The following GPR176 variants were observed in gnomAD, a reference collection of about 807,000 sequenced individuals.
The protein encoded by GPR176 is G-protein coupled receptor 176.
GPR176 carries 26 observed loss-of-function variants against 35.4 expected under a neutral mutation model. The ratio of observed to expected loss-of-function variants is 0.74; its 90% confidence interval spans 0.54 to 1.02. The LOEUF is 1.02. Ranked by LOEUF, GPR176 falls within the 50% of genes least tolerant of loss-of-function variation. The probability of loss-of-function intolerance (pLI) is 0.00; values close to 1 mark genes in which losing one functional copy is unlikely to be tolerated. For synonymous variants in GPR176, 278 were observed against 271.3 expected, an observed-to-expected ratio of 1.02 and a Z score of -0.24; for missense variants, 597 against 665.3, an observed-to-expected ratio of 0.90 and a Z score of 1.13.
At chr15:39,834,715 T>C (rs1901287396) in intron 1 of GPR176, among the ~76,000 whole-genome samples, 1 of 152,162 alleles carries the variant, frequency 6.6e-6, no homozygotes, top group South Asian at 2.1e-4. Context: ...CACTTTTTTG[T>C]GGGAGCTAAA....
At chr15:39,813,477 T>A (rs771503104) in intron 1 of GPR176, 1 of 152,260 alleles carries the variant, frequency 6.6e-6, no homozygotes, top group Admixed American at 6.5e-5. Context: ...TTGAAAGATA[T>A]CACTCCATTG....
intron 1 of GPR176, among the ~76,000 whole-genome samples, chr15:39,915,793 T>C (rs2033712706): frequency 1.3e-5 from 2 of 152,002 alleles, no homozygotes. Flanking sequence ...GCAGGGGGAA[T>C]TGCTTGAACC....
intron 1 of GPR176, among the ~76,000 whole-genome samples, chr15:39,917,459 C>A (rs2033756250): frequency 6.6e-6 from 1 of 150,904 alleles, no homozygotes; most frequent in Non-Finnish European, 1.5e-5. Context: ...CCTCAGCCTC[C>A]CGAGTGGCTG....
intron 1 of GPR176, among the ~76,000 whole-genome samples, chr15:39,870,503 A>G (rs1197510289): frequency 6.6e-6 from 1 of 152,206 alleles, no homozygotes; most frequent in African/African-American, 2.4e-5. Flanking sequence ...ATAACAGATT[A>G]TTTGTGATAT....
chr15:39,914,759 G>A (rs1444100997), intron 1 of GPR176, among the ~76,000 whole-genome samples: 1 of 152,300 alleles, frequency 6.6e-6, no homozygotes, highest in East Asian at 1.9e-4. Flanking sequence ...CAAATTATAA[G>A]TGCAAACTAG....
chr15:39,881,591 A>G (rs2032477563), intron 1 of GPR176, among the ~76,000 whole-genome samples: 1 of 152,228 alleles, frequency 6.6e-6, no homozygotes, highest in Non-Finnish European at 1.5e-5. Flanking sequence ...TCTTAAAAGC[A>G]GTACTGAGTG....
intron 1 of GPR176, among the ~76,000 whole-genome samples, chr15:39,817,750 A>T (rs1249413706): frequency 2.0e-5 from 3 of 152,246 alleles, no homozygotes; most frequent in Non-Finnish European, 4.4e-5. Flanking sequence ...AGAACTCCTC[A>T]GCGTAGAGAA....
intron 1 of GPR176, among the ~76,000 whole-genome samples, chr15:39,870,405 A>G (rs1490336156): frequency 2.0e-5 from 3 of 152,214 alleles, no homozygotes; most frequent in Admixed American, 6.5e-5. Flanking sequence ...TCCCTTCAAG[A>G]GAGCAGCAAA....
chr15:39,862,459 C>G (rs927878473), intron 1 of GPR176: 1 of 152,206 alleles, frequency 6.6e-6, no homozygotes, highest in Non-Finnish European at 1.5e-5. Flanking sequence ...AGAATCCTTT[C>G]CAAAAGTCAG....
At chr15:39,872,911 CTGTGTG>C (rs6145533) in intron 1 of GPR176, among the ~76,000 whole-genome samples, 12,978 of 140,802 alleles carry the variant, frequency 0.092, 573 homozygotes, top group East Asian at 0.13. Context: ...TCCAAAATAT[CTGTGTG>C]TGTGTGTGTG....
intron 1 of GPR176, among the ~76,000 whole-genome samples, chr15:39,861,631 T>G (rs192242790): frequency 7.9e-5 from 12 of 152,304 alleles, no homozygotes; most frequent in Admixed American, 1.3e-4. Flanking sequence ...AAATCTTTCT[T>G]TTTTGTTCAG....
In GPR176 at chr15:39,920,014, C is replaced by T; in HGVS notation, c.13G>A (p.Gly5Arg). MGHNGSWISPNASEP... is the reference protein window; with the variant it reads MGHNRSWISPNASEP... Reference sequence around the variant, plus strand: ...CTGGCATTTGGAGAGATCCAGCTCCCGTTATGTCCCATGGCGAGGCTGGGA... The same window carrying T: ...CTGGCATTTGGAGAGATCCAGCTCCTGTTATGTCCCATGGCGAGGCTGGGA... The change falls in exon 1 of 3, where the codon GGG (glycine) becomes AGG (arginine). Residue 5 changes from glycine to arginine, a missense_variant. Physicochemically the swap from Gly to Arg is moderately radical, Grantham distance 125. Coordinates refer to ENST00000561100, the MANE Select transcript of GPR176 (RefSeq NM_007223.3). The T allele has an allele frequency of 2.2e-6, 3 of 1,380,996 alleles. No individual in the cohort carries two copies. The highest frequency in any genetic ancestry group is 1.9e-6 in the Non-Finnish European group (2 of 1,062,434). The allele number at this position is 1,380,996 out of a possible 1,614,324, so 85.5% of individuals were successfully genotyped here.
chr15:39,878,232 T>C (rs898695504), intron 1 of GPR176, among the ~76,000 whole-genome samples: 2 of 151,688 alleles, frequency 1.3e-5, no homozygotes, highest in African/African-American at 4.8e-5. Context: ...CCAGAACATA[T>C]TAATCCTGTA....
At chr15:39,822,511 T>C (rs529840519) in intron 1 of GPR176, among the ~76,000 whole-genome samples, 43 of 152,178 alleles carry the variant, frequency 2.8e-4, no homozygotes, top group Non-Finnish European at 4.7e-4. Flanking sequence ...AACTATAAAT[T>C]AGTGAGACTT....
rs572940920 is a variant in GPR176 at position 39,908,957 on chromosome 15, T to C, written c.172+10898A>G. 3.9e-5 allele frequency among the ~76,000 whole-genome samples: 6 copies of C among 152,174 alleles called. No individual in the cohort carries two copies. In the East Asian group the frequency reaches 1.2e-3, roughly 29 times the overall value. On this transcript the variant is annotated intron_variant, in intron 1 of 2. Coordinates refer to ENST00000561100, the MANE Select transcript of GPR176 (RefSeq NM_007223.3). ...AGGGTGGGAGTGGGGCTATACAGAGTACTGTGAGGGGAAGTCATATTTTAA... is the reference window on the plus strand; with the variant it reads ...AGGGTGGGAGTGGGGCTATACAGAGCACTGTGAGGGGAAGTCATATTTTAA...
At chr15:39,892,326 CT>C (rs201739675) in intron 1 of GPR176, among the ~76,000 whole-genome samples, 25,862 of 152,014 alleles carry the variant, frequency 0.17, 3,545 homozygotes, top group African/African-American at 0.36. Context: ...CATGGGAAGC[CT>C]ACTGTAATTA....
At chr15:39,878,424 C>T (rs2140846312) in intron 1 of GPR176, among the ~76,000 whole-genome samples, 1 of 148,388 alleles carries the variant, frequency 6.7e-6, no homozygotes, top group Non-Finnish European at 1.5e-5. Flanking sequence ...CCAGGATCAC[C>T]CATGCTGTTG....
At chr15:39,904,237 G>A (rs965931048) in intron 1 of GPR176, among the ~76,000 whole-genome samples, 1 of 152,092 alleles carries the variant, frequency 6.6e-6, no homozygotes, top group Non-Finnish European at 1.5e-5. Context: ...CATCCTATAA[G>A]TTAGAATTCC....
intron 1 of GPR176, among the ~76,000 whole-genome samples, chr15:39,913,558 A>G (rs918776194): frequency 6.6e-6 from 1 of 151,762 alleles, no homozygotes; most frequent in Non-Finnish European, 1.5e-5. Flanking sequence ...AAAAAAAAAG[A>G]AAAAAGAAAG....
Sources: gnomAD v4.1 joint callset for allele counts (sites outside exome capture counted in the v4.1 genomes callset) on GRCh38, gnomAD v4.1.1 for gene constraint, MANE v1.5 for transcripts, NCBI Gene and HGNC (gene_info 2026-07-23, HGNC 2026-07-21) for gene names.